The following DOCK8 variants were observed in gnomAD, a reference collection of about 807,000 sequenced individuals.
DOCK8 encodes the protein dedicator of cytokinesis protein 8.
DOCK8 carries 141 observed loss-of-function variants against 245.6 expected under a neutral mutation model. That is an observed-to-expected ratio of 0.57 (90% CI 0.50 to 0.66). The LOEUF (loss-of-function observed/expected upper bound fraction) is 0.66. DOCK8 is among the 30% of genes least tolerant of loss of function. The pLI, the probability that DOCK8 is intolerant of heterozygous loss-of-function variation, is 0.00. For missense variants in DOCK8, 2,965 were observed against 2,603.4 expected (o/e 1.14, Z -3.02); for synonymous variants, 1,168 against 970.2 (o/e 1.20, Z -3.79).
At chr9:224,576 T>G (rs1021600168) in intron 1 of DOCK8, among the ~76,000 whole-genome samples, 8 of 152,142 alleles carry the variant, frequency 5.3e-5, no homozygotes, top group Admixed American at 2.6e-4. Context: ...AATCGCTGCT[T>G]CTTCTCACTG....
At chr9:436,275 A>G (rs1321031616) in intron 39 of DOCK8, among the ~76,000 whole-genome samples, 1 of 152,262 alleles carries the variant, frequency 6.6e-6, no homozygotes, top group African/African-American at 2.4e-5. Context: ...TGTTTGTTAT[A>G]AAAGCTGATA....
rs2047641679 is a variant in DOCK8 at position 251,383 on chromosome 9, C to T, written c.54-20244C>T. Among the ~76,000 whole-genome samples, 16 of 152,304 alleles carry T rather than the reference C, an allele frequency of 1.1e-4. 1 individual carries two copies. In the South Asian group the frequency reaches 3.3e-3, roughly 32 times the overall value. On this transcript the variant is annotated intron_variant, in intron 1 of 47. Coordinates refer to ENST00000432829, the MANE Select transcript of DOCK8 (RefSeq NM_203447.4). ...CCATTTGGAACGTATTCCAGGACTA[C>T]TTATCCATGAAAGGATTAATGATAT...
intron 46 of DOCK8, among the ~76,000 whole-genome samples, chr9:463,287 AAC>A (rs1369823558): frequency 6.7e-6 from 1 of 148,432 alleles, no homozygotes; most frequent in South Asian, 2.1e-4. Flanking sequence ...AAAAAAAAAA[AAC>A]AAACACAGAG....
chr9:349,374 T>C (rs2052052621), intron 14 of DOCK8, among the ~76,000 whole-genome samples: 2 of 152,198 alleles, frequency 1.3e-5, no homozygotes, highest in South Asian at 4.1e-4. Flanking sequence ...AAAATGTAAA[T>C]TGAGATTCAT....
chr9:258,800 G>C (rs565584859), intron 1 of DOCK8, among the ~76,000 whole-genome samples: 1 of 151,978 alleles, frequency 6.6e-6, no homozygotes, highest in African/African-American at 2.4e-5. Flanking sequence ...GTTTCACCAC[G>C]TTGGCCAGGC....
intron 4 of DOCK8, among the ~76,000 whole-genome samples, chr9:300,427 AC>A (rs1284651128): frequency 2.0e-5 from 3 of 152,144 alleles, no homozygotes; most frequent in Non-Finnish European, 2.9e-5. Flanking sequence ...ATGGTGTGTG[AC>A]CTGGAGGTAC....
chr9:352,583 A>C (rs1268452770), intron 14 of DOCK8, among the ~76,000 whole-genome samples: 1 of 151,990 alleles, frequency 6.6e-6, no homozygotes, highest in Non-Finnish European at 1.5e-5. Context: ...CTCTACTAAA[A>C]ATACAAAAAA....
intron 7 of DOCK8, among the ~76,000 whole-genome samples, chr9:317,939 G>A (rs1160535856): frequency 6.6e-6 from 1 of 150,524 alleles, no homozygotes. Flanking sequence ...CTTCAAAGTA[G>A]TTGCATCCAA....
chr9:391,844 T>C (rs1013710643), intron 24 of DOCK8, among the ~76,000 whole-genome samples: 9 of 136,388 alleles, frequency 6.6e-5, no homozygotes, highest in African/African-American at 2.6e-4. Flanking sequence ...TTTTTTTTTT[T>C]AAAGAGAGTC....
chr9:449,418 G>A (rs556318686), intron 44 of DOCK8, among the ~76,000 whole-genome samples: 1 of 152,062 alleles, frequency 6.6e-6, no homozygotes, highest in Non-Finnish European at 1.5e-5. Context: ...CACCTGACAG[G>A]GTAGAAAAAA....
intron 2 of DOCK8, among the ~76,000 whole-genome samples, chr9:285,456 G>A (rs539150539): frequency 2.0e-5 from 3 of 152,046 alleles, no homozygotes; most frequent in Non-Finnish European, 4.4e-5. Flanking sequence ...GAGAAAAACA[G>A]TAACTTCCCC....
chr9:340,377 T>C (rs2051524952), intron 14 of DOCK8, 56 bp downstream of exon 14: 24 of 1,606,732 alleles, frequency 1.5e-5, no homozygotes, highest in Middle Eastern at 3.4e-4. Flanking sequence ...TCCCATAACT[T>C]TGGGAGGCCG....
intron 18 of DOCK8, 28 bp downstream of exon 18, chr9:372,314 T>C (rs761001553): frequency 6.4e-7 from 1 of 1,571,566 alleles, no homozygotes; most frequent in Non-Finnish European, 8.8e-7. Context: ...CATCAGCTGT[T>C]TCTTGTCCAG....
At chr9:344,456 C>A (rs73378636) in intron 14 of DOCK8, among the ~76,000 whole-genome samples, 2,109 of 152,156 alleles carry the variant, frequency 0.014, 49 homozygotes, top group African/African-American at 0.049. Flanking sequence ...ATGAGTGTCC[C>A]CTTTCCTGCA....
chr9:439,687 A>G (rs2057024606), intron 40 of DOCK8, among the ~76,000 whole-genome samples: 1 of 152,248 alleles, frequency 6.6e-6, no homozygotes, highest in Admixed American at 6.5e-5. Context: ...ACTAAGCCAC[A>G]GAGAGGTGAA....
chr9:338,878 A>G (rs370674990), intron 12 of DOCK8, 128 bp from the exon 13 acceptor site: 16 of 764,020 alleles, frequency 2.1e-5, no homozygotes, highest in East Asian at 1.1e-4. Context: ...AGAGCTGTCT[A>G]TAATCCTAAT....
chr9:211,452 A>C (rs115795658), upstream of DOCK8, among the ~76,000 whole-genome samples: 2,883 of 152,250 alleles, frequency 0.019, 80 homozygotes, highest in African/African-American at 0.065. Context: ...TATTTTAGTA[A>C]ACTTCATCTA....
At chr9:463,833 G>A in intron 47 of DOCK8, 146 bp downstream of exon 47, 1 of 970,840 alleles carries the variant, frequency 1.0e-6, no homozygotes, top group South Asian at 1.5e-5. Context: ...GAGGCTACCA[G>A]AGTGTGATTC....
chr9:335,742 C>A (rs2051279136), intron 11 of DOCK8, among the ~76,000 whole-genome samples: 1 of 152,092 alleles, frequency 6.6e-6, no homozygotes, highest in Non-Finnish European at 1.5e-5. Flanking sequence ...GAGACTGATT[C>A]TTAAGGAGCA....
Sources: gnomAD v4.1 joint callset for allele counts (sites outside exome capture counted in the v4.1 genomes callset) on GRCh38, gnomAD v4.1.1 for gene constraint, MANE v1.5 for transcripts, NCBI Gene and HGNC (gene_info 2026-07-23, HGNC 2026-07-21) for gene names.